Variants in TYW1 observed in about 807,000 individuals in gnomAD.
The protein encoded by TYW1 is tRNA-yW synthesizing protein 1 homolog.
TYW1 carries 46 observed loss-of-function variants against 96.2 expected under a neutral mutation model. That is an observed-to-expected ratio of 0.48 (90% confidence interval 0.38 to 0.61). The LOEUF is 0.61. Ranked by LOEUF, TYW1 falls within the 20% of genes least tolerant of loss-of-function variation. The pLI, the probability that TYW1 is intolerant of heterozygous loss-of-function variation, is 0.00. For missense variants in TYW1, 684 were observed against 909.6 expected, an observed-to-expected ratio of 0.75 and a Z score of 3.19; for synonymous variants, 274 against 323.0, an observed-to-expected ratio of 0.85 and a Z score of 1.63.
In TYW1 at chr7:67,218,355, ATTTATTTT is replaced by A. The variant is rs1376696530; in HGVS notation, c.1978-19949_1978-19942del. 4.4e-5 allele frequency among the ~76,000 whole-genome samples: 6 copies of A among 135,362 alleles called. No individual in the cohort carries two copies. The East Asian group carries it at 1.2e-3, about 27-fold the overall frequency. The allele number at this position is 135,362 out of a possible 152,430, so 88.8% of individuals were successfully genotyped here. A position where few individuals can be genotyped will look rare whatever the true frequency, so the allele number is the denominator to read the frequency against. ...TTTTAATTTTGTTTTATTTATATTT[ATTTATTTT>A]TTTTTTTTGAGATGGAGTCTCGCCC... On this transcript the variant is annotated intron_variant, in intron 15 of 15. Transcript: ENST00000359626.
At chr7:67,196,478 G>A (rs879429517) in intron 15 of TYW1, among the ~76,000 whole-genome samples, 3 of 152,106 alleles carry the variant, frequency 2.0e-5, no homozygotes, top group African/African-American at 4.8e-5. Flanking sequence ...CATTCTGTAC[G>A]TTGCATTTAG....
intron 13 of TYW1, among the ~76,000 whole-genome samples, chr7:67,166,241 C>T (rs1379810326): frequency 1.4e-5 from 2 of 138,898 alleles, no homozygotes; most frequent in East Asian, 1.9e-4. Flanking sequence ...TGTGACAGAG[C>T]GTGAACCTCT....
intron 7 of TYW1, among the ~76,000 whole-genome samples, chr7:67,039,366 A>T (rs1340054830): frequency 6.6e-6 from 1 of 151,626 alleles, no homozygotes; most frequent in Non-Finnish European, 1.5e-5. Context: ...GCTGAGGCAG[A>T]AGAGTGGCAT....
At chr7:67,157,954 A>G (rs1799038632) in intron 13 of TYW1, among the ~76,000 whole-genome samples, 1 of 152,148 alleles carries the variant, frequency 6.6e-6, no homozygotes, top group African/African-American at 2.4e-5. Context: ...TTTGATTAGT[A>G]AAGACTGTTA....
chr7:67,171,659 G>A (rs1335474803), intron 13 of TYW1, among the ~76,000 whole-genome samples: 1 of 151,962 alleles, frequency 6.6e-6, no homozygotes, highest in Non-Finnish European at 1.5e-5. Flanking sequence ...TATATTGTTA[G>A]GTACTAGTAT....
intron 10 of TYW1, among the ~76,000 whole-genome samples, chr7:67,069,665 G>A (rs968266355): frequency 6.6e-6 from 1 of 152,162 alleles, no homozygotes; most frequent in Non-Finnish European, 1.5e-5. Context: ...CATAAGCCTG[G>A]GAGGTGGAGG....
intron 13 of TYW1, among the ~76,000 whole-genome samples, chr7:67,136,898 C>T (rs967303862): frequency 1.7e-4 from 26 of 152,160 alleles, no homozygotes; most frequent in African/African-American, 6.3e-4. Context: ...TCTCGGCTCA[C>T]CGCAACCTCT....
chr7:67,163,861 G>T (rs1300069401), intron 13 of TYW1, among the ~76,000 whole-genome samples: 4 of 151,994 alleles, frequency 2.6e-5, no homozygotes, highest in Non-Finnish European at 5.9e-5. Context: ...TAGAGATGGG[G>T]TTTCACCATG....
chr7:67,071,359 A>C (rs188290307), intron 10 of TYW1, among the ~76,000 whole-genome samples: 3 of 149,942 alleles, frequency 2.0e-5, no homozygotes, highest in Non-Finnish European at 4.4e-5. Flanking sequence ...GATTTCCTTG[A>C]GCTCATGGAG....
intron 10 of TYW1, among the ~76,000 whole-genome samples, chr7:67,078,601 A>G (rs984755139): frequency 6.6e-6 from 1 of 152,134 alleles, no homozygotes; most frequent in Non-Finnish European, 1.5e-5. Context: ...AACTATATTT[A>G]TTCTTCCAAC....
intron 15 of TYW1, among the ~76,000 whole-genome samples, chr7:67,234,755 T>C (rs746570687): frequency 6.7e-5 from 10 of 149,464 alleles, no homozygotes; most frequent in Non-Finnish European, 1.0e-4. Context: ...AGTTTTAGAG[T>C]CAAAAGAAAC....
In TYW1 at chr7:67,098,501, G is replaced by A. The variant is rs376283032; in HGVS notation, c.1385-40G>A. ...AAAACGTAAGTGACATCCTCTATCT[G>A]TGCCTTATGTAGCTGGGTCCTTCTC... On this transcript the variant is annotated intron_variant, in intron 11 of 15. Transcript: ENST00000359626. The A allele has an allele frequency of 2.0e-5, 30 of 1,509,362 alleles. No homozygotes were observed. In the African/African-American group the frequency reaches 4.0e-4, roughly 20 times the overall value. The allele number at this position is 1,509,362 out of a possible 1,614,324, so 93.5% of individuals were successfully genotyped here. A position where few individuals can be genotyped will look rare whatever the true frequency, so the allele number is the denominator to read the frequency against.
chr7:67,174,110 G>C (rs1267370012), intron 13 of TYW1, among the ~76,000 whole-genome samples: 3 of 148,910 alleles, frequency 2.0e-5, no homozygotes, highest in Non-Finnish European at 4.5e-5. Flanking sequence ...TAGTTAGACT[G>C]TTTGGGACAT....
At chr7:67,231,320 C>T (rs1300411769) in intron 15 of TYW1, among the ~76,000 whole-genome samples, 1 of 152,244 alleles carries the variant, frequency 6.6e-6, no homozygotes, top group African/African-American at 2.4e-5. Flanking sequence ...CACTTACTTA[C>T]CCACCTACCT....
intron 4 of TYW1, among the ~76,000 whole-genome samples, chr7:67,012,347 CA>C (rs903529190): frequency 2.0e-5 from 3 of 148,644 alleles, no homozygotes; most frequent in Admixed American, 6.7e-5. Context: ...GACTCTGTCT[CA>C]AAAAAAAACC....
At chr7:67,038,118 T>C (rs1040560045) in intron 7 of TYW1, among the ~76,000 whole-genome samples, 13 of 151,078 alleles carry the variant, frequency 8.6e-5, no homozygotes, top group African/African-American at 1.2e-4. Context: ...CTGGCTAACA[T>C]GGTGAAACCC....
intron 5 of TYW1, among the ~76,000 whole-genome samples, chr7:67,015,700 C>T (rs569819360): frequency 3.3e-5 from 5 of 152,256 alleles, no homozygotes; most frequent in East Asian, 1.9e-4. Context: ...TGGTGGCTCA[C>T]GCCTGTAATC....
intron 5 of TYW1, among the ~76,000 whole-genome samples, chr7:67,014,894 T>C (rs998392124): frequency 6.6e-6 from 1 of 151,798 alleles, no homozygotes; most frequent in Non-Finnish European, 1.5e-5. Flanking sequence ...CAGGCTTGGC[T>C]AATTTTTGTA....
At chr7:67,145,665 A>AT (rs571254387) in intron 13 of TYW1, among the ~76,000 whole-genome samples, 18 of 152,104 alleles carry the variant, frequency 1.2e-4, no homozygotes, top group Admixed American at 3.3e-4. Context: ...TCCTATGGTC[A>AT]TTTTTTTCTG....
Sources: gnomAD v4.1 joint callset for allele counts (sites outside exome capture counted in the v4.1 genomes callset) on GRCh38, gnomAD v4.1.1 for gene constraint, MANE v1.5 for transcripts, NCBI Gene and HGNC (gene_info 2026-07-23, HGNC 2026-07-21) for gene names.